Variants in TAX1BP1 observed in about 807,000 individuals in gnomAD.
The protein encoded by TAX1BP1 is tax1-binding protein 1.
A neutral mutation model predicts 97.7 loss-of-function variants in TAX1BP1; 62 were observed. The observed-to-expected ratio is 0.63, with a 90% CI of 0.52 to 0.78. The LOEUF (loss-of-function observed/expected upper bound fraction) is 0.78. Among genes scored for constraint, TAX1BP1 ranks in the 30% least tolerant of loss-of-function variants. The probability of loss-of-function intolerance (pLI) is 0.00; values close to 1 mark genes in which losing one functional copy is unlikely to be tolerated. For missense variants in TAX1BP1, 867 were observed against 916.1 expected (o/e 0.95, Z 0.69); for synonymous variants, 340 against 304.2 (o/e 1.12, Z -1.23).
At position 27,799,921 on chromosome 7, in the gene TAX1BP1, A is replaced by C. The variant is rs749882122; in HGVS notation, c.1639-44A>C. 3.3e-6 allele frequency: 5 copies of C among 1,500,982 alleles called. No homozygotes were observed. The South Asian group carries it at 3.9e-5, about 12-fold the overall frequency. 93.0% of individuals were successfully genotyped at this position (1,500,982 alleles called of 1,614,324 possible). A position where few individuals can be genotyped will look rare whatever the true frequency, so the allele number is the denominator to read the frequency against. On this transcript the variant is annotated intron_variant, in intron 12 of 16. Transcript: ENST00000396319. Reference sequence around the variant, plus strand: ...GTACATTAGTATAGATTTTCACTCTACATGAATTTAAAATCTTTTGGTAAT... The same window carrying C: ...GTACATTAGTATAGATTTTCACTCTCCATGAATTTAAAATCTTTTGGTAAT...
At chr7:27,742,316 T>A (rs963980165) in intron 1 of TAX1BP1, among the ~76,000 whole-genome samples, 1 of 152,204 alleles carries the variant, frequency 6.6e-6, no homozygotes, top group Non-Finnish European at 1.5e-5. Flanking sequence ...CAGAGGTCCC[T>A]GCAGGCTTCC....
intron 3 of TAX1BP1, 81 bp from the exon 4 acceptor site, chr7:27,765,753 C>A: frequency 1.6e-6 from 2 of 1,219,886 alleles, no homozygotes; most frequent in Non-Finnish European, 2.3e-6. Context: ...GGGAATGAGA[C>A]ATGGCAAGTA....
intron 13 of TAX1BP1, among the ~76,000 whole-genome samples, chr7:27,814,296 G>A (rs1019909940): frequency 6.6e-6 from 1 of 152,072 alleles, no homozygotes; most frequent in Non-Finnish European, 1.5e-5. Flanking sequence ...TAGCCCTGGA[G>A]TTACAGGCAT....
At chr7:27,825,427 T>C (rs1791141974) in intron 15 of TAX1BP1, among the ~76,000 whole-genome samples, 1 of 152,204 alleles carries the variant, frequency 6.6e-6, no homozygotes, top group South Asian at 2.1e-4. Context: ...ATTATATGTA[T>C]TGGCTCCTTA....
intron 3 of TAX1BP1, among the ~76,000 whole-genome samples, chr7:27,764,773 A>T (rs867854493): frequency 4.6e-5 from 7 of 151,732 alleles, no homozygotes; most frequent in Non-Finnish European, 8.8e-5. Flanking sequence ...GTTAGAAAGA[A>T]TTTTCTTCTT....
intron 13 of TAX1BP1, among the ~76,000 whole-genome samples, chr7:27,808,665 G>T (rs1225170766): frequency 6.6e-6 from 1 of 152,010 alleles, no homozygotes. Context: ...GTAAAACCGG[G>T]GTCACTGTGA....
intron 13 of TAX1BP1, among the ~76,000 whole-genome samples, chr7:27,802,110 T>G (rs1400065694): frequency 6.6e-6 from 1 of 152,160 alleles, no homozygotes; most frequent in Non-Finnish European, 1.5e-5. Flanking sequence ...CATTAGGACT[T>G]GAGTATCTAT....
chr7:27,745,310 G>C (rs928738690), intron 1 of TAX1BP1, among the ~76,000 whole-genome samples: 1 of 152,140 alleles, frequency 6.6e-6, no homozygotes, highest in Non-Finnish European at 1.5e-5. Context: ...CTCCACTCCC[G>C]TGCGACCTTG....
At chr7:27,769,909 C>T (rs1788782000) in intron 5 of TAX1BP1, 75 bp downstream of exon 5, 2 of 1,434,756 alleles carry the variant, frequency 1.4e-6, no homozygotes, top group Non-Finnish European at 9.6e-7. Flanking sequence ...AGAGCTGAAC[C>T]AATTAAGTAA....
At chr7:27,786,647 GT>G (rs1789493634) in intron 7 of TAX1BP1, among the ~76,000 whole-genome samples, 1 of 152,208 alleles carries the variant, frequency 6.6e-6, no homozygotes, top group Non-Finnish European at 1.5e-5. Context: ...GCGTTTTAAA[GT>G]GATGCTGCAA....
intron 5 of TAX1BP1, among the ~76,000 whole-genome samples, chr7:27,776,961 C>G (rs1372708748): frequency 1.3e-5 from 2 of 151,964 alleles, no homozygotes; most frequent in East Asian, 3.9e-4. Context: ...TTATCTCAGA[C>G]ATTGTTGTTT....
intron 4 of TAX1BP1, among the ~76,000 whole-genome samples, chr7:27,767,556 A>G (rs1014383495): frequency 6.6e-6 from 1 of 152,142 alleles, no homozygotes; most frequent in Non-Finnish European, 1.5e-5. Flanking sequence ...TTGTGGTGCA[A>G]CTGCCTGATG....
chr7:27,748,731 T>C (rs192318881), intron 2 of TAX1BP1, 45 bp downstream of exon 2: 5 of 1,413,526 alleles, frequency 3.5e-6, no homozygotes, highest in Non-Finnish European at 4.7e-6. Flanking sequence ...ACACTTAAAA[T>C]TTTCTTTTAA....
At chr7:27,827,883 C>A in intron 16 of TAX1BP1, 63 bp downstream of exon 16, 2 of 1,456,568 alleles carry the variant, frequency 1.4e-6, no homozygotes, top group Non-Finnish European at 9.5e-7. Context: ...CAAAGGTGGT[C>A]CTTGGGAACT....
At chr7:27,761,114 G>A (rs1788410848) in intron 3 of TAX1BP1, among the ~76,000 whole-genome samples, 3 of 152,158 alleles carry the variant, frequency 2.0e-5, no homozygotes, top group Admixed American at 6.5e-5. Context: ...CATGTGCAGA[G>A]CAGCCTTCTA....
intron 5 of TAX1BP1, among the ~76,000 whole-genome samples, chr7:27,781,279 A>G (rs1337776343): frequency 6.6e-6 from 1 of 152,244 alleles, no homozygotes; most frequent in African/African-American, 2.4e-5. Context: ...CAATGGGGAT[A>G]CGTTCTTAGA....
intron 1 of TAX1BP1, among the ~76,000 whole-genome samples, chr7:27,747,813 A>C (rs546229418): frequency 2.1e-4 from 32 of 151,752 alleles, no homozygotes; most frequent in Admixed American, 1.9e-3. Flanking sequence ...ACACACCCAC[A>C]GACACACATG....
chr7:27,789,459 A>G (rs886836619), intron 8 of TAX1BP1, among the ~76,000 whole-genome samples: 4 of 151,794 alleles, frequency 2.6e-5, no homozygotes, highest in Non-Finnish European at 2.9e-5. Context: ...ATAAGTTTCT[A>G]GTTTATTCTT....
chr7:27,828,365 A>G (rs538317783), intron 16 of TAX1BP1, among the ~76,000 whole-genome samples: 104 of 152,258 alleles, frequency 6.8e-4, no homozygotes, highest in Non-Finnish European at 1.3e-3. Context: ...CGTAATTGTG[A>G]TTGGATTTGG....
Sources: gnomAD v4.1 joint callset for allele counts (sites outside exome capture counted in the v4.1 genomes callset) on GRCh38, gnomAD v4.1.1 for gene constraint, MANE v1.5 for transcripts, NCBI Gene and HGNC (gene_info 2026-07-23, HGNC 2026-07-21) for gene names.